Variants in ABCC2 observed in about 807,000 individuals in gnomAD.
ABCC2 encodes ATP-binding cassette sub-family C member 2.
ABCC2 carries 157 observed loss-of-function variants against 173.4 expected under a neutral mutation model. That is an observed-to-expected ratio of 0.91 (90% CI 0.80 to 1.03). The LOEUF (loss-of-function observed/expected upper bound fraction) is 1.03. Ranked by LOEUF, ABCC2 falls within the 50% of genes least tolerant of loss-of-function variation. ABCC2 has a pLI of 0.00. For missense variants in ABCC2, 1,822 were observed against 1,852.3 expected, an observed-to-expected ratio of 0.98 and a Z score of 0.30; for synonymous variants, 657 against 693.5, an observed-to-expected ratio of 0.95 and a Z score of 0.83.
intron 19 of ABCC2, among the ~76,000 whole-genome samples, chr10:99,821,956 G>T (rs978068695): frequency 2.6e-5 from 4 of 151,968 alleles, no homozygotes; most frequent in Non-Finnish European, 4.4e-5. Flanking sequence ...ATTTTGGACT[G>T]CAGGCATTAA....
chr10:99,841,945 C>G (rs1326093741), intron 25 of ABCC2, 22 bp from the exon 26 acceptor site: 2 of 1,614,090 alleles, frequency 1.2e-6, no homozygotes, highest in East Asian at 2.2e-5. Context: ...GACACGCACT[C>G]TCTGGTTCTG....
Position 99,808,072 on chromosome 10 carries a change from GC to G in ABCC2, c.1669-8del. 6.2e-7 allele frequency: 1 copy of G among 1,613,866 alleles called. No individual in the cohort carries two copies. The highest frequency in any genetic ancestry group is 8.5e-7 in the Non-Finnish European group (1 of 1,179,904). On this transcript the variant is annotated splice_polypyrimidine_tract_variant and intron_variant, in intron 12 of 31. Coordinates refer to ENST00000647814, the MANE Select transcript of ABCC2 (RefSeq NM_000392.5). ...TTAGGAATAAATTGCTCATGACCTT[GC>G]CCTTTCCAGGTATCTGTGGTCACAT...
Position 99,782,896 on chromosome 10 carries a change from C to T in ABCC2, c.33+19C>T, listed in dbSNP as rs2037639627. On this transcript the variant is annotated intron_variant, in intron 1 of 31. Coordinates refer to ENST00000647814, the MANE Select transcript of ABCC2 (RefSeq NM_000392.5). ...TTTTTGGGTGAGAAATTACATTTAT[C>T]TTCATATTGACTCTTCTCAGACTCA... 1 of 1,613,266 alleles carries T rather than the reference C, an allele frequency of 6.2e-7. No individual in the cohort carries two copies. Among genetic ancestry groups the T allele is most frequent in the South Asian group, 1.1e-5 (1 of 90,980 alleles).
rs1301456567 is a variant in ABCC2, at chr10:99,844,449, T to C, written c.3971T>C (p.Ile1324Thr). 4 of 1,613,782 alleles carry C rather than the reference T, an allele frequency of 2.5e-6. No homozygotes were observed. The highest frequency in any genetic ancestry group is 2.2e-5 in the East Asian group (1 of 44,890). ...GTCCTCAGAGGGATCACTTGTGACA[T>C]CGGTAGCATGGAGAAGGTAGGTGGA... The part of the protein sequence containing the change: ...DLVLRGITCD[I>T]GSMEKIGVVG... The change falls in exon 28 of 32, where the codon ATC (isoleucine) becomes ACC (threonine). Residue 1324 changes from isoleucine (I) to threonine (T), a missense_variant. By Grantham distance (89) the Ile-to-Thr change is moderately conservative. Transcript: ENST00000647814.
chr10:99,811,289 C>T (rs912196610), intron 14 of ABCC2, among the ~76,000 whole-genome samples: 1 of 151,754 alleles, frequency 6.6e-6, no homozygotes, highest in African/African-American at 2.4e-5. Context: ...AAGATTGCAC[C>T]ACTGCACTCC....
Position 99,808,135 on chromosome 10 carries a change from T to G in ABCC2, c.1721T>G (p.Leu574Trp). ...GTCCTGGTGGATAGCAACAATATTT[T>G]GGATGCACAAAAGGCCTTCACCTCC... The part of the protein sequence containing the change: ...VYVLVDSNNI[L>W]DAQKAFTSIT... The change falls in exon 13 of 32, where the codon TTG (leucine) becomes TGG (tryptophan). Residue 574 changes from leucine (L) to tryptophan (W), a missense_variant. Coordinates refer to ENST00000647814, the MANE Select transcript of ABCC2 (RefSeq NM_000392.5). The G allele has an allele frequency of 6.2e-7, 1 of 1,614,142 alleles. No individual in the cohort carries two copies. Among genetic ancestry groups the G allele is most frequent in the Non-Finnish European group, 8.5e-7 (1 of 1,179,988 alleles).
At chr10:99,794,634 T>C (rs1590143998) in intron 6 of ABCC2, 166 bp downstream of exon 6, 1 of 633,586 alleles carries the variant, frequency 1.6e-6, no homozygotes, top group East Asian at 3.0e-5. Flanking sequence ...AACCTCCACC[T>C]CCTGGGTTCA....
chr10:99,836,107 C>T lies in ABCC2; in HGVS notation c.3431C>T (p.Thr1144Ile). ...YVSVQMFYVS[T>I]SRQLRRLDSV... ...TGTGTCCAGATGTTTTATGTGTCTA[C>T]CTCCCGCCAGCTGAGGCGTCTGGAC... Residue 1144 changes from threonine to isoleucine, a missense_variant, in exon 25 of 32, where the codon ACC becomes ATC. Coordinates refer to ENST00000647814, the MANE Select transcript of ABCC2 (RefSeq NM_000392.5). The T allele has an allele frequency of 4.3e-6, 7 of 1,613,832 alleles. No homozygotes were observed. Among genetic ancestry groups the T allele is most frequent in the Non-Finnish European group, 5.9e-6 (7 of 1,180,040 alleles).
intron 29 of ABCC2, among the ~76,000 whole-genome samples, chr10:99,846,053 A>T (rs2039012390): frequency 6.6e-6 from 1 of 152,224 alleles, no homozygotes; most frequent in Admixed American, 6.5e-5. Context: ...GCGTTGCTAT[A>T]GCCCATCACG....
intron 7 of ABCC2, chr10:99,797,863 G>A (rs1307485853): frequency 5.4e-6 from 1 of 184,642 alleles, no homozygotes; most frequent in Non-Finnish European, 1.1e-5. Flanking sequence ...CAGAGGAGAT[G>A]ACATCTGAAC....
intron 14 of ABCC2, among the ~76,000 whole-genome samples, chr10:99,811,255 G>A (rs959103402): frequency 3.3e-5 from 5 of 151,932 alleles, no homozygotes; most frequent in African/African-American, 4.8e-5. Flanking sequence ...TCTTGAGCCC[G>A]GAAAGTCAAG....
At position 99,830,751 on chromosome 10, in the gene ABCC2, GA is replaced by G. The variant is rs1564694972; in HGVS notation, c.2786del (p.Asn929ThrfsTer3). The G allele has an allele frequency of 6.2e-7, 1 of 1,614,102 alleles. No individual in the cohort carries two copies. The highest frequency in any genetic ancestry group is 8.5e-7 in the Non-Finnish European group (1 of 1,180,024). ...RSNGRHLKSL[R>X]NSLKTRNVNS... ...AATGGCAGGCATCTGAAGTCCCTGAGAAACTCCTTGAAAACTCGGAATGTGA... is the reference window on the plus strand; with the variant it reads ...AATGGCAGGCATCTGAAGTCCCTGAGAACTCCTTGAAAACTCGGAATGTGA... On this transcript the variant is annotated frameshift_variant, in exon 21 of 32. Transcript: ENST00000647814. LOFTEE classifies it high-confidence loss of function.
intron 2 of ABCC2, among the ~76,000 whole-genome samples, chr10:99,790,350 T>A (rs2037791924): frequency 6.6e-6 from 1 of 152,252 alleles, no homozygotes; most frequent in Admixed American, 6.5e-5. Context: ...TGTGTTTTTT[T>A]AAATCCATTT....
At chr10:99,800,262 G>T in intron 8 of ABCC2, 124 bp from the exon 9 acceptor site, 1 of 1,050,068 alleles carries the variant, frequency 9.5e-7, no homozygotes, top group Non-Finnish European at 1.5e-6. Context: ...CAAAGGCTTT[G>T]GACAATTCTG....
At chr10:99,833,676 C>T (rs1468932306) in intron 23 of ABCC2, among the ~76,000 whole-genome samples, 3 of 152,166 alleles carry the variant, frequency 2.0e-5, no homozygotes, top group Non-Finnish European at 4.4e-5. Flanking sequence ...GTAGGTTAGA[C>T]TCAGGAGTCA....
chr10:99,782,943 C>T lies in ABCC2; in HGVS notation c.33+66C>T, dbSNP rs377077297. ...CTCAGAACAAGTGGTAGTTAGTTAA[C>T]TTAGGGTGGTCACCAACAAGAACCA... is the stretch of plus-strand genomic sequence containing the variant. On this transcript the variant is annotated intron_variant, in intron 1 of 31. Coordinates refer to ENST00000647814, the MANE Select transcript of ABCC2 (RefSeq NM_000392.5). 1.7e-5 allele frequency: 26 copies of T among 1,546,612 alleles called. 2 individuals are homozygous for T. The highest frequency in any genetic ancestry group is 3.3e-4 in the Middle Eastern group (2 of 5,986).
In ABCC2 at chr10:99,847,747, C is replaced by T. The variant is rs552443175; in HGVS notation, c.4313+620C>T. On this transcript the variant is annotated intron_variant, in intron 30 of 31. Coordinates refer to ENST00000647814, the MANE Select transcript of ABCC2 (RefSeq NM_000392.5). ...CAGCCTGGCCAAGATGGTGAAACCC[C>T]GTCTCACTAAAAATACAAAAAATTA... 8.5e-5 allele frequency among the ~76,000 whole-genome samples: 13 copies of T among 152,058 alleles called. No individual in the cohort carries two copies. The East Asian group carries it at 2.1e-3, about 25-fold the overall frequency.
intron 30 of ABCC2, among the ~76,000 whole-genome samples, chr10:99,849,266 G>GA (rs972684342): frequency 6.6e-6 from 1 of 152,188 alleles, no homozygotes; most frequent in Non-Finnish European, 1.5e-5. Context: ...GCCAGGTACT[G>GA]AAAATACAGA....
chr10:99,805,787 C>T (rs1003644630), intron 11 of ABCC2, among the ~76,000 whole-genome samples: 1 of 152,170 alleles, frequency 6.6e-6, no homozygotes, highest in African/African-American at 2.4e-5. Flanking sequence ...ACACCCCTCA[C>T]ACTTGCTAGA....
Sources: gnomAD v4.1 joint callset for allele counts (sites outside exome capture counted in the v4.1 genomes callset) on GRCh38, gnomAD v4.1.1 for gene constraint, MANE v1.5 for transcripts, NCBI Gene and HGNC (gene_info 2026-07-23, HGNC 2026-07-21) for gene names.